ATRNL1: variants seen among roughly 807,000 people sequenced by gnomAD.
ATRNL1 encodes the protein attractin like 1, also known as attractin-like protein 1.
ATRNL1 carries 95 observed loss-of-function variants against 182.7 expected under a neutral mutation model. The ratio of observed to expected loss-of-function variants is 0.52; its 90% CI spans 0.44 to 0.62. The LOEUF is 0.62. Among genes scored for constraint, ATRNL1 ranks in the 20% least tolerant of loss-of-function variants. The pLI is 0.00. For synonymous variants in ATRNL1, 576 were observed against 568.3 expected, an observed-to-expected ratio of 1.01 and a Z score of -0.19; for missense variants, 1,471 against 1,679.5, an observed-to-expected ratio of 0.88 and a Z score of 2.17.
chr10:115,872,642 A>G (rs1293095398), intron 28 of ATRNL1, among the ~76,000 whole-genome samples: 1 of 152,218 alleles, frequency 6.6e-6, no homozygotes, highest in Non-Finnish European at 1.5e-5. Flanking sequence ...AAGCAAGGCT[A>G]AAAGTCATGT....
intron 9 of ATRNL1, among the ~76,000 whole-genome samples, chr10:115,233,705 G>T (rs1308842328): frequency 3.3e-5 from 5 of 151,914 alleles, no homozygotes; most frequent in African/African-American, 1.2e-4. Context: ...GGTTTGATAA[G>T]GGTTTATATT....
chr10:115,239,568 G>A lies in ATRNL1; in HGVS notation c.1533-2003G>A, dbSNP rs563651934. Among the ~76,000 whole-genome samples the A allele has an allele frequency of 2.0e-5, 3 of 152,076 alleles. No individual in the cohort carries two copies. In the South Asian group the frequency reaches 6.2e-4, roughly 32 times the overall value. ...TTTCTTAGCCTACCTCTCCTCCTGG[G>A]GAAAAACTTCTGTGCTACTGCTTTG... On this transcript the variant is annotated intron_variant, in intron 9 of 28. Coordinates refer to ENST00000355044, the MANE Select transcript of ATRNL1 (RefSeq NM_207303.4).
chr10:115,149,691 C>T (rs1391895635), intron 5 of ATRNL1, among the ~76,000 whole-genome samples: 2 of 152,050 alleles, frequency 1.3e-5, no homozygotes, highest in Non-Finnish European at 2.9e-5. Context: ...ATAAATCTCA[C>T]TTGATCATGG....
intron 28 of ATRNL1, among the ~76,000 whole-genome samples, chr10:115,938,546 C>A (rs1462964974): frequency 6.6e-6 from 1 of 152,004 alleles, no homozygotes; most frequent in Non-Finnish European, 1.5e-5. Flanking sequence ...TGGGGTACTC[C>A]CACATTCATT....
At chr10:115,658,503 C>A (rs797035836) in intron 26 of ATRNL1, among the ~76,000 whole-genome samples, 1 of 151,936 alleles carries the variant, frequency 6.6e-6, no homozygotes, top group Non-Finnish European at 1.5e-5. Context: ...TTGGAGGTTT[C>A]AACCTTTTTT....
At chr10:115,778,892 G>T (rs548551358) in intron 27 of ATRNL1, among the ~76,000 whole-genome samples, 1 of 152,134 alleles carries the variant, frequency 6.6e-6, no homozygotes, top group Admixed American at 6.6e-5. Context: ...GAGGATAAAG[G>T]GATATAACCT....
At chr10:115,335,924 G>C (rs1022436647) in intron 19 of ATRNL1, among the ~76,000 whole-genome samples, 3 of 152,080 alleles carry the variant, frequency 2.0e-5, no homozygotes, top group Non-Finnish European at 4.4e-5. Flanking sequence ...GTAGTATGTT[G>C]GGTGACAAAT....
chr10:115,866,524 T>C (rs2134404259), intron 28 of ATRNL1, among the ~76,000 whole-genome samples: 1 of 152,302 alleles, frequency 6.6e-6, no homozygotes, highest in East Asian at 1.9e-4. Context: ...ATTAGCAAAA[T>C]CAAAGTTCAA....
intron 8 of ATRNL1, among the ~76,000 whole-genome samples, chr10:115,212,165 C>T (rs1394950191): frequency 1.3e-5 from 2 of 151,804 alleles, no homozygotes; most frequent in Non-Finnish European, 2.9e-5. Context: ...TAGTTATTCA[C>T]CCCTTGCCCC....
At chr10:115,688,936 A>C (rs1441532350) in intron 26 of ATRNL1, among the ~76,000 whole-genome samples, 1 of 152,022 alleles carries the variant, frequency 6.6e-6, no homozygotes, top group Non-Finnish European at 1.5e-5. Context: ...TTTGGGTCTT[A>C]ATTTAAGTCA....
chr10:115,193,919 G>C (rs939990801), intron 8 of ATRNL1, among the ~76,000 whole-genome samples: 1 of 151,412 alleles, frequency 6.6e-6, no homozygotes, highest in Admixed American at 6.6e-5. Context: ...TTTGTTTCTG[G>C]AAATTTTAAA....
At chr10:115,369,884 T>C (rs2134192050) in intron 19 of ATRNL1, among the ~76,000 whole-genome samples, 1 of 152,326 alleles carries the variant, frequency 6.6e-6, no homozygotes, top group South Asian at 2.1e-4. Context: ...TTGAGAAGTG[T>C]CTTTTCATGT....
chr10:115,188,800 G>A (rs1848055937), intron 8 of ATRNL1, among the ~76,000 whole-genome samples: 1 of 152,034 alleles, frequency 6.6e-6, no homozygotes, highest in South Asian at 2.1e-4. Flanking sequence ...GCACACTGGT[G>A]TCTGAAAATA....
intron 25 of ATRNL1, among the ~76,000 whole-genome samples, chr10:115,522,516 T>C (rs143884903): frequency 0.019 from 2,834 of 152,302 alleles, 49 homozygotes; most frequent in Admixed American, 0.032. Context: ...TCTCCAACGA[T>C]GGGTATCAAA....
chr10:115,389,541 T>TAC (rs1554953783), intron 19 of ATRNL1, among the ~76,000 whole-genome samples: 7 of 7,092 alleles, frequency 9.9e-4, no homozygotes, highest in African/African-American at 7.8e-3. Flanking sequence ...TGTGTATGTG[T>TAC]ATATATATAT....
At chr10:115,476,402 G>T (rs1848531704) in intron 24 of ATRNL1, among the ~76,000 whole-genome samples, 1 of 151,144 alleles carries the variant, frequency 6.6e-6, no homozygotes, top group Admixed American at 6.6e-5. Flanking sequence ...ATGTCAGTTG[G>T]ATATTTATTT....
chr10:115,174,023 CTTTAT>C (rs1439484007), intron 8 of ATRNL1, among the ~76,000 whole-genome samples: 1 of 151,196 alleles, frequency 6.6e-6, no homozygotes, highest in Non-Finnish European at 1.5e-5. Flanking sequence ...TTCCCCTTAA[CTTTAT>C]TTTATTTTTT....
chr10:115,379,328 A>T (rs558595014), intron 19 of ATRNL1, among the ~76,000 whole-genome samples: 1 of 152,346 alleles, frequency 6.6e-6, no homozygotes, highest in East Asian at 1.9e-4. Context: ...ATAAATTTTA[A>T]ACAATTGAAT....
intron 26 of ATRNL1, among the ~76,000 whole-genome samples, chr10:115,620,242 T>G (rs1857656584): frequency 6.6e-6 from 1 of 152,092 alleles, no homozygotes; most frequent in Non-Finnish European, 1.5e-5. Flanking sequence ...TCTCAGACTC[T>G]TTTCAAGAAA....
Sources: gnomAD v4.1 joint callset for allele counts (sites outside exome capture counted in the v4.1 genomes callset) on GRCh38, gnomAD v4.1.1 for gene constraint, MANE v1.5 for transcripts, NCBI Gene and HGNC (gene_info 2026-07-23, HGNC 2026-07-21) for gene names.